SYT16: variants seen among roughly 807,000 people sequenced by gnomAD.
SYT16 encodes the protein synaptotagmin-16.
In SYT16, 42 loss-of-function variants were observed where a neutral mutation model predicts 61.4. The observed-to-expected ratio is 0.68, with a 90% CI of 0.53 to 0.89. The LOEUF (loss-of-function observed/expected upper bound fraction) is 0.89, where lower values mean the gene tolerates loss of function less well. Ranked by LOEUF, SYT16 falls within the 40% of genes least tolerant of loss-of-function variation. The pLI is 0.00. For missense variants in SYT16, 804 were observed against 807.3 expected, an observed-to-expected ratio of 1.00 and a Z score of 0.05; for synonymous variants, 314 against 302.3, an observed-to-expected ratio of 1.04 and a Z score of -0.40.
intron 2 of SYT16, among the ~76,000 whole-genome samples, chr14:61,980,958 G>GTT (rs1002742612): frequency 4.5e-5 from 4 of 88,304 alleles, no homozygotes; most frequent in African/African-American, 2.1e-4. Flanking sequence ...GTGTGTGTGT[G>GTT]TTTGTGTGTG....
intron 1 of SYT16, among the ~76,000 whole-genome samples, chr14:61,887,712 TCTG>T (rs1273669476): frequency 3.9e-5 from 6 of 152,250 alleles, no homozygotes; most frequent in Non-Finnish European, 7.3e-5. Flanking sequence ...CAAGTTTTCT[TCTG>T]CAGCTTCCTT....
chr14:62,098,536 A>G (rs1446535916), intron 7 of SYT16, among the ~76,000 whole-genome samples: 3 of 152,104 alleles, frequency 2.0e-5, no homozygotes, highest in Admixed American at 6.5e-5. Flanking sequence ...GTTTTCTGGC[A>G]CTCTAGTGGA....
chr14:61,853,953 A>G (rs891703993), intron 1 of SYT16, among the ~76,000 whole-genome samples: 47 of 152,204 alleles, frequency 3.1e-4, no homozygotes, highest in African/African-American at 8.9e-4. Context: ...ATATACATGC[A>G]TATTGATACT....
chr14:61,838,233 C>G (rs2046193294), intron 1 of SYT16, among the ~76,000 whole-genome samples: 1 of 152,102 alleles, frequency 6.6e-6, no homozygotes, highest in Non-Finnish European at 1.5e-5. Flanking sequence ...AAAATTAAAT[C>G]TCAATCATTA....
At chr14:61,929,982 A>G (rs1203810727) in intron 1 of SYT16, among the ~76,000 whole-genome samples, 9 of 152,188 alleles carry the variant, frequency 5.9e-5, no homozygotes, top group Admixed American at 2.0e-4. Flanking sequence ...ATGGAAACAT[A>G]AGGCACTTTT....
chr14:61,891,684 A>G (rs764971117), intron 1 of SYT16, among the ~76,000 whole-genome samples: 23 of 152,214 alleles, frequency 1.5e-4, no homozygotes, highest in Non-Finnish European at 3.1e-4. Flanking sequence ...AAAAGGAGTG[A>G]TAGGGAAAAG....
chr14:62,085,827 T>C (rs1257613662), intron 7 of SYT16, among the ~76,000 whole-genome samples: 2 of 152,236 alleles, frequency 1.3e-5, no homozygotes, highest in African/African-American at 4.8e-5. Flanking sequence ...ATTAATTGCA[T>C]AGCTAGACTC....
At chr14:62,010,410 T>A (rs1046324134) in intron 3 of SYT16, among the ~76,000 whole-genome samples, 3 of 152,118 alleles carry the variant, frequency 2.0e-5, no homozygotes, top group South Asian at 4.1e-4. Context: ...GAGACCTGAA[T>A]GAAGTGAAGA....
chr14:61,824,533 T>C (rs182800364), intron 1 of SYT16, among the ~76,000 whole-genome samples: 1 of 152,204 alleles, frequency 6.6e-6, no homozygotes, highest in East Asian at 1.9e-4. Context: ...TTTGTATTTT[T>C]AGTAGAGACG....
At chr14:61,914,037 C>G (rs1056517442) in intron 1 of SYT16, among the ~76,000 whole-genome samples, 1 of 152,112 alleles carries the variant, frequency 6.6e-6, no homozygotes, top group Non-Finnish European at 1.5e-5. Flanking sequence ...CTCAGGATAG[C>G]CTCTCCTATT....
chr14:61,844,199 T>A (rs2046375951), intron 1 of SYT16, among the ~76,000 whole-genome samples: 1 of 152,188 alleles, frequency 6.6e-6, no homozygotes, highest in Non-Finnish European at 1.5e-5. Flanking sequence ...TTGTTTACTG[T>A]TGTCATGTAG....
intron 1 of SYT16, among the ~76,000 whole-genome samples, chr14:61,959,521 A>G (rs561281698): frequency 1.8e-4 from 27 of 152,048 alleles, no homozygotes; most frequent in African/African-American, 6.5e-4. Flanking sequence ...TCTGCACTTT[A>G]TGTCTTCCCC....
At chr14:61,848,535 A>C (rs950769501) in intron 1 of SYT16, among the ~76,000 whole-genome samples, 2 of 152,186 alleles carry the variant, frequency 1.3e-5, no homozygotes, top group African/African-American at 4.8e-5. Context: ...GAACCAGCAC[A>C]ACACTGGGCC....
chr14:62,078,172 A>AACACACACCAC lies in SYT16; in HGVS notation c.994-2654_994-2653insCACACACACAC, dbSNP rs1555382592. Among the ~76,000 whole-genome samples the AACACACACCAC allele has an allele frequency of 9.7e-3, 1,252 of 128,840 alleles. 12 individuals are homozygous for AACACACACCAC. The highest frequency in any genetic ancestry group is 0.013 in the Non-Finnish European group (826 of 61,382). The allele number at this position is 128,840 out of a possible 152,430, so 84.5% of individuals were successfully genotyped here. A position where few individuals can be genotyped will look rare whatever the true frequency, so the allele number is the denominator to read the frequency against. On this transcript the variant is annotated intron_variant, in intron 5 of 7. Coordinates refer to ENST00000683842, the MANE Select transcript of SYT16 (RefSeq NM_001367656.1). ...CTCTCTCTCTATATATATATATATAAACACACACACACACACACACACACA... is the reference window on the plus strand; with the variant it reads ...CTCTCTCTCTATATATATATATATAAACACACACCACACACACACACACACACACACACACA...
At chr14:62,063,260 G>A (rs563485135) in intron 3 of SYT16, among the ~76,000 whole-genome samples, 55 of 152,180 alleles carry the variant, frequency 3.6e-4, no homozygotes, top group Admixed American at 7.2e-4. Context: ...CTGGGAGAGG[G>A]CACATGCTTT....
chr14:61,873,226 C>A (rs185790531), intron 1 of SYT16, among the ~76,000 whole-genome samples: 1 of 152,238 alleles, frequency 6.6e-6, no homozygotes, highest in African/African-American at 2.4e-5. Flanking sequence ...CTTGGAGAGT[C>A]CTTGGTTGAA....
At chr14:62,047,048 A>G (rs1001009507) in intron 3 of SYT16, among the ~76,000 whole-genome samples, 2 of 152,158 alleles carry the variant, frequency 1.3e-5, no homozygotes, top group Admixed American at 1.3e-4. Flanking sequence ...CTTGGGCAGT[A>G]TGGCCATTTT....
chr14:61,929,886 CT>C (rs2049696680), intron 1 of SYT16, among the ~76,000 whole-genome samples: 1 of 152,062 alleles, frequency 6.6e-6, no homozygotes, highest in Non-Finnish European at 1.5e-5. Context: ...AGAGTGTAGC[CT>C]TTGCATAATC....
chr14:62,065,914 A>G (rs1202177071), intron 3 of SYT16, among the ~76,000 whole-genome samples: 2 of 152,190 alleles, frequency 1.3e-5, no homozygotes, highest in Non-Finnish European at 2.9e-5. Flanking sequence ...TTATTGGAGT[A>G]ATGCTGGGAA....
Sources: allele counts gnomAD v4.1 joint callset (sites outside exome capture counted in the v4.1 genomes callset), GRCh38; gene constraint gnomAD v4.1.1; transcripts MANE v1.5; gene names NCBI Gene and HGNC (gene_info 2026-07-23, HGNC 2026-07-21).